The following CMYA5 variants were observed in gnomAD, a reference collection of about 807,000 sequenced individuals.
CMYA5 encodes cardiomyopathy associated 5.
In CMYA5, 246 loss-of-function variants were observed where a neutral mutation model predicts 318.9. That is an observed-to-expected ratio of 0.77 (90% CI 0.70 to 0.86). The LOEUF is 0.86. CMYA5 is among the 40% of genes least tolerant of loss of function. CMYA5 has a pLI of 0.00. For synonymous variants in CMYA5, 1,641 were observed against 1,729.5 expected (o/e 0.95, Z 1.27); for missense variants, 4,589 against 4,678.2 (o/e 0.98, Z 0.56).
chr5:79,689,977 C>A lies in CMYA5; in HGVS notation c.70C>A (p.Arg24=). Residue 24 remains arginine (R), a synonymous_variant, in exon 1 of 13, where the codon CGG becomes AGG. Coordinates refer to ENST00000446378, the MANE Select transcript of CMYA5 (RefSeq NM_153610.5). ...CTCCGACGGGGACGAGGAGGCGACC[C>A]GGGAGCTGGAGACCGAGGAGGAGTC... ...LGSDGDEEAT[R]ELETEEESEG... is the part of the protein sequence containing the mutation. 7.3e-7 allele frequency: 1 copy of A among 1,374,696 alleles called. No homozygotes were observed. Among genetic ancestry groups the A allele is most frequent in the Non-Finnish European group, 1.0e-6 (1 of 996,728 alleles). The allele number at this position is 1,374,696 out of a possible 1,614,324, so 85.2% of individuals were successfully genotyped here.
Position 79,737,649 on chromosome 5 carries a change from A to G in CMYA5, c.8884A>G (p.Ile2962Val). The change falls in exon 2 of 13, where the codon ATT becomes GTT. Residue 2962 changes from isoleucine (I) to valine (V), a missense_variant. Coordinates refer to ENST00000446378, the MANE Select transcript of CMYA5 (RefSeq NM_153610.5). ...ATTGAATATTCATGCTCCGGCCTTT[A>G]TTTCTTCAATCGATCAGGAAGAAAG... ...EILNIHAPAF[I>V]SSIDQEESEQ... 1 of 1,613,526 alleles carries G rather than the reference A, an allele frequency of 6.2e-7. No homozygotes were observed. The highest frequency in any genetic ancestry group is 1.1e-5 in the South Asian group (1 of 90,992).
chr5:79,745,278 G>A lies in CMYA5; in HGVS notation c.10791G>A (p.Lys3597=), dbSNP rs1223256166. Residue 3597 remains lysine (K), a synonymous_variant, in exon 4 of 13, where the codon AAG becomes AAA. Coordinates refer to ENST00000446378, the MANE Select transcript of CMYA5 (RefSeq NM_153610.5). ...AAGAACAGAATGAGGAAATGATGAA[G>A]AAGGTTTTAGCACAGTATGATGAGA... ...RLEEQNEEMM[K]KVLAQYDEKA... 6.2e-7 allele frequency: 1 copy of A among 1,612,004 alleles called. No individual in the cohort carries two copies. The highest frequency in any genetic ancestry group is 8.5e-7 in the Non-Finnish European group (1 of 1,178,920).
intron 9 of CMYA5, among the ~76,000 whole-genome samples, chr5:79,768,565 C>A (rs186509396): frequency 1.8e-4 from 27 of 152,272 alleles, no homozygotes; most frequent in Non-Finnish European, 2.9e-4. Context: ...CTTAGTTTGG[C>A]CGGATATTAA....
rs781359133 is a variant in CMYA5 at position 79,735,087 on chromosome 5, G to A, written c.6322G>A (p.Val2108Ile). 1.1e-5 allele frequency: 18 copies of A among 1,613,648 alleles called. No individual in the cohort carries two copies. The Admixed American group carries it at 3.0e-4, about 27-fold the overall frequency. The change falls in exon 2 of 13, where the codon GTT becomes ATT. Residue 2108 changes from valine (V) to isoleucine (I), a missense_variant. Physicochemically the swap from Val to Ile is conservative, Grantham distance 29. Transcript: ENST00000446378. ...GAAGCCATTGGAAGAATCAAAAATG[G>A]TTCAGTCAAAGGTTATTGATGATGC... ...EEKPLEESKM[V>I]QSKVIDDADE... is the part of the protein sequence containing the mutation.
chr5:79,769,614 G>T (rs1828818305), intron 9 of CMYA5, among the ~76,000 whole-genome samples: 1 of 152,062 alleles, frequency 6.6e-6, no homozygotes, highest in South Asian at 2.1e-4. Context: ...TGTTTGCCTG[G>T]GTATCACAAG....
At chr5:79,790,534 G>T (rs1352890323) in intron 10 of CMYA5, among the ~76,000 whole-genome samples, 1 of 152,226 alleles carries the variant, frequency 6.6e-6, no homozygotes, top group Non-Finnish European at 1.5e-5. Context: ...CTCCCAAAGT[G>T]CTGGGATTAC....
At chr5:79,703,947 C>T (rs889030449) in intron 1 of CMYA5, among the ~76,000 whole-genome samples, 4 of 152,052 alleles carry the variant, frequency 2.6e-5, no homozygotes, top group Non-Finnish European at 4.4e-5. Flanking sequence ...AAAAAATTAG[C>T]TGGGCATCGT....
chr5:79,744,769 T>C (rs1000597448), intron 3 of CMYA5, among the ~76,000 whole-genome samples: 1 of 152,224 alleles, frequency 6.6e-6, no homozygotes, highest in Non-Finnish European at 1.5e-5. Flanking sequence ...TTTCTCCCAC[T>C]GTGGGATAAC....
At chr5:79,697,021 G>T (rs998969607) in intron 1 of CMYA5, among the ~76,000 whole-genome samples, 1 of 151,624 alleles carries the variant, frequency 6.6e-6, no homozygotes, top group Non-Finnish European at 1.5e-5. Context: ...AAAAAAAAAT[G>T]TATTTACTGT....
At chr5:79,745,092 A>C (rs774688390) in intron 3 of CMYA5, 130 bp from the exon 4 acceptor site, 1 of 634,856 alleles carries the variant, frequency 1.6e-6, no homozygotes, top group Non-Finnish European at 2.8e-6. Flanking sequence ...TGAACTGTGC[A>C]TGTGATGTCT....
chr5:79,792,356 G>A (rs975100282), intron 11 of CMYA5, among the ~76,000 whole-genome samples: 1 of 152,190 alleles, frequency 6.6e-6, no homozygotes, highest in Non-Finnish European at 1.5e-5. Flanking sequence ...AATAGATTGA[G>A]CTTTTCTGTC....
chr5:79,746,013 C>CT (rs1828315146), intron 4 of CMYA5, among the ~76,000 whole-genome samples: 1 of 152,234 alleles, frequency 6.6e-6, no homozygotes, highest in African/African-American at 2.4e-5. Flanking sequence ...AAGCAGGTAA[C>CT]TTGTAGACAT....
At chr5:79,725,055 A>G (rs1230869149) in intron 1 of CMYA5, among the ~76,000 whole-genome samples, 1 of 152,168 alleles carries the variant, frequency 6.6e-6, no homozygotes, top group East Asian at 1.9e-4. Flanking sequence ...ATCTTCTGTA[A>G]TAGTACTTAT....
chr5:79,690,252 A>G (rs1385454686), intron 1 of CMYA5, among the ~76,000 whole-genome samples, 196 bp downstream of exon 1: 2 of 152,028 alleles, frequency 1.3e-5, no homozygotes, highest in Non-Finnish European at 1.5e-5. Context: ...CGCCTGCAGC[A>G]GAGTTCATTA....
In CMYA5 at chr5:79,754,613, C is replaced by T. The variant is rs966672295; in HGVS notation, c.11110+1819C>T. Among the ~76,000 whole-genome samples, 3 of 152,082 alleles carry T rather than the reference C, an allele frequency of 2.0e-5. No homozygotes were observed. The East Asian group carries it at 5.8e-4, about 29-fold the overall frequency. On this transcript the variant is annotated intron_variant, in intron 6 of 12. Transcript: ENST00000446378. The stretch of plus-strand genomic sequence containing the variant: ...AGAGAAACAGATCATGATAAACAAA[C>T]ATGAATCTAGGCTTCCTTGATGCTG...
At chr5:79,776,062 G>A (rs1828933610) in intron 9 of CMYA5, among the ~76,000 whole-genome samples, 1 of 152,144 alleles carries the variant, frequency 6.6e-6, no homozygotes, top group South Asian at 2.1e-4. Context: ...TGGTTGTCAG[G>A]ATTCAGCCCC....
At chr5:79,704,268 G>A (rs1432760159) in intron 1 of CMYA5, among the ~76,000 whole-genome samples, 2 of 152,034 alleles carry the variant, frequency 1.3e-5, no homozygotes, top group Non-Finnish European at 2.9e-5. Context: ...ATCCCAGAGT[G>A]TAGAAGGGTG....
intron 1 of CMYA5, 26 bp downstream of exon 1, chr5:79,690,082 C>T (rs1826931028): frequency 7.2e-7 from 1 of 1,397,388 alleles, no homozygotes; most frequent in South Asian, 1.6e-5. Context: ...CTCCTCGGCC[C>T]AGGGCCTGCA....
intron 1 of CMYA5, among the ~76,000 whole-genome samples, chr5:79,701,243 C>T (rs200314292): frequency 2.2e-5 from 3 of 134,188 alleles, no homozygotes; most frequent in Non-Finnish European, 3.3e-5. Context: ...CTCAAATAAA[C>T]AAACAAACAA....
Sources: allele counts gnomAD v4.1 joint callset (sites outside exome capture counted in the v4.1 genomes callset), GRCh38; gene constraint gnomAD v4.1.1; transcripts MANE v1.5; gene names NCBI Gene and HGNC (gene_info 2026-07-23, HGNC 2026-07-21).